ZNF266: variants seen among roughly 807,000 people sequenced by gnomAD.
ZNF266 encodes the protein zinc finger protein 1.
A neutral mutation model predicts 16.4 loss-of-function variants in ZNF266; 16 were observed. The observed-to-expected ratio is 0.98, with a 90% CI of 0.66 to 1.48. The LOEUF (loss-of-function observed/expected upper bound fraction) is 1.48, where lower values mean the gene tolerates loss of function less well. Ranked by LOEUF, ZNF266 falls within the 40% of genes most tolerant of loss-of-function variation. The probability of loss-of-function intolerance (pLI) is 0.00; values close to 1 mark genes in which losing one functional copy is unlikely to be tolerated. For missense variants in ZNF266, 738 were observed against 689.1 expected (o/e 1.07, Z -0.79); for synonymous variants, 262 against 237.9 (o/e 1.10, Z -0.93).
intron 4 of ZNF266, 132 bp downstream of exon 4, chr19:9,433,943 A>G (rs1188560224): frequency 6.6e-6 from 1 of 152,192 alleles, no homozygotes; most frequent in Non-Finnish European, 1.5e-5. Flanking sequence ...CTGCCACTGC[A>G]CTGGAGCCTG....
chr19:9,416,719 T>G (rs1447726916), intron 9 of ZNF266, among the ~76,000 whole-genome samples: 1 of 119,304 alleles, frequency 8.4e-6, no homozygotes, highest in Non-Finnish European at 1.6e-5. Flanking sequence ...TCACCCCAGC[T>G]GGAGTTCAGC....
At position 9,417,818 on chromosome 19, in the gene ZNF266, G is replaced by C; in HGVS notation, c.316+10C>G. 1 of 1,612,344 alleles carries C rather than the reference G, an allele frequency of 6.2e-7. No individual in the cohort carries two copies. Among genetic ancestry groups the C allele is most frequent in the Non-Finnish European group, 8.5e-7 (1 of 1,178,742 alleles). ...CTTATTGACCAGGGCGGTCCTTTGT[G>C]AACACTCACCTTGGAAATCACCTCT... On this transcript the variant is annotated intron_variant, in intron 9 of 10. Coordinates refer to ENST00000592904, the MANE Select transcript of ZNF266 (RefSeq NM_001370374.1).
chr19:9,425,362 T>C (rs534139744), intron 5 of ZNF266, among the ~76,000 whole-genome samples: 2 of 152,154 alleles, frequency 1.3e-5, no homozygotes, highest in East Asian at 3.9e-4. Flanking sequence ...GCTTCTGACA[T>C]TTCATGTGTT....
At chr19:9,424,305 A>G (rs7246415) in intron 5 of ZNF266, among the ~76,000 whole-genome samples, 88,186 of 151,540 alleles carry the variant, frequency 0.58, 26,080 homozygotes, top group African/African-American at 0.66. Flanking sequence ...CTGTGGCACT[A>G]CTAGACAATT....
intron 5 of ZNF266, 114 bp from the exon 6 acceptor site, chr19:9,420,332 A>T (rs1475998524): frequency 6.6e-6 from 1 of 152,244 alleles, no homozygotes; most frequent in East Asian, 1.9e-4. Flanking sequence ...GTACACTACA[A>T]ATAGTAGGAA....
At chr19:9,428,354 C>G (rs1338964105) in intron 5 of ZNF266, among the ~76,000 whole-genome samples, 1 of 152,212 alleles carries the variant, frequency 6.6e-6, no homozygotes. Flanking sequence ...AGTGGCTTCC[C>G]CTGTTCTCAG....
intron 5 of ZNF266, among the ~76,000 whole-genome samples, chr19:9,423,697 C>T (rs2070272603): frequency 6.6e-6 from 1 of 152,034 alleles, no homozygotes; most frequent in South Asian, 2.1e-4. Context: ...ATACATGGGT[C>T]CAAGAATTGA....
intron 10 of ZNF266, among the ~76,000 whole-genome samples, chr19:9,415,279 A>C (rs138276618): frequency 0.017 from 2,584 of 152,272 alleles, 65 homozygotes; most frequent in African/African-American, 0.059. Context: ...TGGGTGACAG[A>C]CCAAGACTCT....
intron 5 of ZNF266, among the ~76,000 whole-genome samples, chr19:9,428,847 G>A (rs2071171218): frequency 6.6e-6 from 1 of 152,016 alleles, no homozygotes; most frequent in South Asian, 2.1e-4. Context: ...ATTCCCTTCA[G>A]AGTTACAGAC....
intron 4 of ZNF266, 63 bp downstream of exon 4, chr19:9,434,012 A>G (rs2072060217): frequency 6.6e-6 from 1 of 152,154 alleles, no homozygotes; most frequent in Admixed American, 6.6e-5. Context: ...TCATACATTT[A>G]AGATTAAATT....
At chr19:9,434,515 A>C (rs2072151679) in intron 3 of ZNF266, among the ~76,000 whole-genome samples, 1 of 152,224 alleles carries the variant, frequency 6.6e-6, no homozygotes, top group Non-Finnish European at 1.5e-5. Context: ...TGAAAGAACG[A>C]GTGACTGCGC....
intron 5 of ZNF266, among the ~76,000 whole-genome samples, chr19:9,430,868 T>G (rs550857545): frequency 3.3e-5 from 5 of 152,134 alleles, no homozygotes; most frequent in Non-Finnish European, 4.4e-5. Context: ...GTCCCACAGG[T>G]CCTCTCTGTC....
At position 9,413,066 on chromosome 19, in the gene ZNF266, T is replaced by A; in HGVS notation, c.*209A>T. ...TTCATACAGTTTCTCTCCAGTGAGA[T>A]TTCTGATGTGTTTGGTAAGGCTTGA... On this transcript the variant is annotated 3_prime_UTR_variant, in exon 11 of 11. Coordinates refer to ENST00000592904, the MANE Select transcript of ZNF266 (RefSeq NM_001370374.1). 1 of 555,820 alleles carries A rather than the reference T, an allele frequency of 1.8e-6. No individual in the cohort carries two copies. The allele number at this position is 555,820 out of a possible 1,614,324, so 34.4% of individuals were successfully genotyped here.
intron 8 of ZNF266, 24 bp from the exon 9 acceptor site, chr19:9,417,932 AC>A: frequency 1.2e-6 from 2 of 1,605,274 alleles, no homozygotes; most frequent in Non-Finnish European, 1.7e-6. Flanking sequence ...AAGATACATT[AC>A]CAGAAGAGGC....
chr19:9,417,518 G>A (rs937072762), intron 9 of ZNF266, among the ~76,000 whole-genome samples: 1 of 152,188 alleles, frequency 6.6e-6, no homozygotes, highest in Non-Finnish European at 1.5e-5. Context: ...CATGAGATCA[G>A]GAGTTTGAGA....
chr19:9,414,245 A>G lies in ZNF266; in HGVS notation c.881T>C (p.Leu294Pro). The part of the protein sequence containing the change: ...CGKGFRYSAY[L>P]NIHMGTHTGD... The stretch of plus-strand genomic sequence containing the variant: ...AGTGTGGGTTCCCATGTGAATATTA[A>G]GGTATGCAGAATATCTAAATCCTTT... Residue 294 changes from leucine (L) to proline (P), a missense_variant, in exon 11 of 11, where the codon CTT (leucine) becomes CCT (proline). By Grantham distance (98) the Leu-to-Pro change is moderately conservative (BLOSUM62 -3). Transcript: ENST00000592904. 1 of 1,614,214 alleles carries G rather than the reference A, an allele frequency of 6.2e-7. No individual in the cohort carries two copies. The highest frequency in any genetic ancestry group is 8.5e-7 in the Non-Finnish European group (1 of 1,180,044).
At chr19:9,435,000 G>GA (rs1370230867) in intron 2 of ZNF266, 108 bp downstream of exon 2, 1 of 152,138 alleles carries the variant, frequency 6.6e-6, no homozygotes, top group Non-Finnish European at 1.5e-5. Context: ...GTTTCTACCT[G>GA]AATGTAGAGT....
rs1368534182 is a variant in ZNF266 at position 9,414,643 on chromosome 19, C to T, written c.483G>A (p.Lys161=). The T allele has an allele frequency of 6.2e-7, 1 of 1,606,062 alleles. No homozygotes were observed. Among genetic ancestry groups the T allele is most frequent in the Non-Finnish European group, 8.5e-7 (1 of 1,173,272 alleles). Residue 161 remains lysine (K), a synonymous_variant, in exon 11 of 11, where the codon AAG becomes AAA. Coordinates refer to ENST00000592904, the MANE Select transcript of ZNF266 (RefSeq NM_001370374.1). ...GDVSSEHSCL[K]THVRTQNSEN... is the part of the protein sequence containing the mutation. ...CACTATTTTGAGTTCTCACATGTGT[C>T]TTAAGGCATGAGTGTTCACTGGAGA...
chr19:9,429,952 A>G (rs1175284094), intron 5 of ZNF266, among the ~76,000 whole-genome samples: 1 of 152,062 alleles, frequency 6.6e-6, no homozygotes, highest in Admixed American at 6.5e-5. Context: ...ACGAGCAAAA[A>G]TTTTTACTTT....
Sources: allele counts gnomAD v4.1 joint callset (sites outside exome capture counted in the v4.1 genomes callset), GRCh38; gene constraint gnomAD v4.1.1; transcripts MANE v1.5; gene names NCBI Gene and HGNC (gene_info 2026-07-23, HGNC 2026-07-21).